L3MBTL3: variants seen among roughly 807,000 people sequenced by gnomAD.
L3MBTL3 encodes L3MBTL histone methyl-lysine binding protein 3, also known as lethal(3)malignant brain tumor-like protein 3.
In L3MBTL3, 27 loss-of-function variants were observed where a neutral mutation model predicts 102.3. The ratio of observed to expected loss-of-function variants is 0.26; its 90% CI spans 0.19 to 0.36. The LOEUF (loss-of-function observed/expected upper bound fraction) is 0.36, where lower values mean the gene tolerates loss of function less well. Among genes scored for constraint, L3MBTL3 ranks in the 10% least tolerant of loss-of-function variants. The probability of loss-of-function intolerance (pLI) is 1.00; values close to 1 mark genes in which losing one functional copy is unlikely to be tolerated. For missense variants in L3MBTL3, 798 were observed against 955.3 expected (o/e 0.84, Z 2.17); for synonymous variants, 340 against 320.9 (o/e 1.06, Z -0.64).
At chr6:130,044,347 C>G (rs1188857567) in intron 3 of L3MBTL3, among the ~76,000 whole-genome samples, 1 of 151,966 alleles carries the variant, frequency 6.6e-6, no homozygotes, top group Non-Finnish European at 1.5e-5. Context: ...AATTGCTTTA[C>G]TCCTTTATTT....
intron 16 of L3MBTL3, among the ~76,000 whole-genome samples, chr6:130,088,399 A>T (rs2115178642): frequency 6.6e-6 from 1 of 152,082 alleles, no homozygotes; most frequent in South Asian, 2.1e-4. Flanking sequence ...CAGCAGGAAA[A>T]CTCATCTTTC....
chr6:130,077,078 T>C (rs555146865), intron 13 of L3MBTL3, among the ~76,000 whole-genome samples: 49 of 152,134 alleles, frequency 3.2e-4, no homozygotes, highest in African/African-American at 1.1e-3. Context: ...TAAAAACTAC[T>C]CTCTAAGTTC....
intron 3 of L3MBTL3, 42 bp from the exon 4 acceptor site, chr6:130,049,240 G>C (rs772739504): frequency 9.1e-7 from 1 of 1,103,160 alleles, no homozygotes; most frequent in Non-Finnish European, 1.4e-6. Flanking sequence ...TGACTTTCCT[G>C]AGCACTTTTT....
At chr6:130,111,928 T>C (rs1785373539) in intron 19 of L3MBTL3, among the ~76,000 whole-genome samples, 1 of 152,216 alleles carries the variant, frequency 6.6e-6, no homozygotes, top group East Asian at 1.9e-4. Context: ...CCTTGTGTCA[T>C]CTGGCCCCTG....
At chr6:130,042,339 AAACTACTTACAGGCAAGG>A (rs1369335714) in intron 2 of L3MBTL3, among the ~76,000 whole-genome samples, 1 of 152,222 alleles carries the variant, frequency 6.6e-6, no homozygotes, top group African/African-American at 2.4e-5. Flanking sequence ...AACAGAAAAC[AAACTACTTACAGGCAAGG>A]AATTCTATCC....
At chr6:130,125,958 C>A (rs1465898638) in intron 20 of L3MBTL3, among the ~76,000 whole-genome samples, 1 of 125,558 alleles carries the variant, frequency 8.0e-6, no homozygotes, top group Non-Finnish European at 1.6e-5. Flanking sequence ...CCACCCATTT[C>A]TTCTGTTAAT....
At chr6:130,114,786 C>G (rs1043418359) in intron 19 of L3MBTL3, among the ~76,000 whole-genome samples, 1 of 152,110 alleles carries the variant, frequency 6.6e-6, no homozygotes, top group Non-Finnish European at 1.5e-5. Flanking sequence ...ATTTTAAAAA[C>G]TCTTTATTTG....
In L3MBTL3 at chr6:130,055,206, G is replaced by A. The variant is rs202081986; in HGVS notation, c.618G>A (p.Ser206=). 1.7e-5 allele frequency: 28 copies of A among 1,613,568 alleles called. No individual in the cohort carries two copies. The highest frequency in any genetic ancestry group is 2.7e-5 in the African/African-American group (2 of 74,878). Reference sequence around the variant, plus strand: ...AAGATGTAAGAATCCTGAGGGGTTCGCAGAGAGCACGGAGGAAAAGACGAG... The same window carrying A: ...AAGATGTAAGAATCCTGAGGGGTTCACAGAGAGCACGGAGGAAAAGACGAG... ...NKQDVRILRG[S]QRARRKRRGD... is the part of the protein sequence containing the mutation. Residue 206 remains serine (S), a synonymous_variant, in exon 8 of 23, where the codon TCG becomes TCA. Coordinates refer to ENST00000361794, the MANE Select transcript of L3MBTL3 (RefSeq NM_032438.4).
At position 130,051,400 on chromosome 6, in the gene L3MBTL3, C is replaced by T; in HGVS notation, c.441C>T (p.Ile147=). Residue 147 remains isoleucine (I), a synonymous_variant, in exon 6 of 23, where the codon ATC becomes ATT. Coordinates refer to ENST00000361794, the MANE Select transcript of L3MBTL3 (RefSeq NM_032438.4). ...NYCSQNCARH[I]KDKDQKEERD... Reference sequence around the variant, plus strand: ...GCAGCCAGAATTGTGCTCGGCACATCAAAGATAAGTAGGTTTTTGCCCCAT... The same window carrying T: ...GCAGCCAGAATTGTGCTCGGCACATTAAAGATAAGTAGGTTTTTGCCCCAT... 6.2e-7 allele frequency: 1 copy of T among 1,612,754 alleles called. No homozygotes were observed. Among genetic ancestry groups the T allele is most frequent in the South Asian group, 1.1e-5 (1 of 90,816 alleles).
chr6:130,042,892 A>C (rs997336142), intron 3 of L3MBTL3, 91 bp downstream of exon 3: 4 of 861,502 alleles, frequency 4.6e-6, no homozygotes, highest in Non-Finnish European at 5.8e-6. Flanking sequence ...TAAAAATTAA[A>C]AGCATTAATC....
intron 2 of L3MBTL3, among the ~76,000 whole-genome samples, chr6:130,023,978 C>T (rs1779175185): frequency 1.3e-5 from 2 of 152,076 alleles, no homozygotes; most frequent in Admixed American, 6.6e-5. Flanking sequence ...TTATTTATCC[C>T]AAACTAGTCA....
intron 18 of L3MBTL3, 59 bp from the exon 19 acceptor site, chr6:130,104,367 G>A: frequency 8.0e-7 from 1 of 1,247,834 alleles, no homozygotes; most frequent in Non-Finnish European, 1.1e-6. Context: ...ATTGGAAGAA[G>A]TATGGCCTAA....
chr6:130,098,348 G>T (rs372571708), intron 18 of L3MBTL3, among the ~76,000 whole-genome samples: 3 of 152,190 alleles, frequency 2.0e-5, no homozygotes, highest in African/African-American at 7.2e-5. Flanking sequence ...GTGAGGGACT[G>T]TATAGAGGAG....
chr6:130,095,747 T>C (rs117296317), intron 18 of L3MBTL3, among the ~76,000 whole-genome samples: 5,614 of 152,290 alleles, frequency 0.037, 160 homozygotes, highest in Non-Finnish European at 0.058. Flanking sequence ...GAGGGCTTTC[T>C]TGCTGCGGAA....
intron 2 of L3MBTL3, among the ~76,000 whole-genome samples, chr6:130,036,722 C>T (rs1780090399): frequency 6.6e-6 from 1 of 152,178 alleles, no homozygotes; most frequent in African/African-American, 2.4e-5. Flanking sequence ...TGTTAGTAAG[C>T]ATGTACTTTG....
chr6:130,099,560 A>G (rs1384065753), intron 18 of L3MBTL3, among the ~76,000 whole-genome samples: 2 of 152,228 alleles, frequency 1.3e-5, no homozygotes, highest in African/African-American at 2.4e-5. Context: ...CATGATGCAG[A>G]TCACATATGT....
intron 11 of L3MBTL3, among the ~76,000 whole-genome samples, chr6:130,067,215 G>A (rs146069359): frequency 0.016 from 2,361 of 152,218 alleles, 26 homozygotes; most frequent in Non-Finnish European, 0.025. Flanking sequence ...GCAGGTTCAA[G>A]TGATTCTCCT....
chr6:130,105,872 A>G (rs542056307), intron 19 of L3MBTL3, among the ~76,000 whole-genome samples: 3 of 152,292 alleles, frequency 2.0e-5, no homozygotes, highest in African/African-American at 4.8e-5. Context: ...CCTGGAGCCA[A>G]AGTCTTCTCA....
chr6:130,135,152 C>G (rs1344279701), intron 22 of L3MBTL3, among the ~76,000 whole-genome samples: 1 of 150,922 alleles, frequency 6.6e-6, no homozygotes, highest in Non-Finnish European at 1.5e-5. Flanking sequence ...ACCTCCGCCT[C>G]CTGGCAGAGG....
Sources: allele counts gnomAD v4.1 joint callset (sites outside exome capture counted in the v4.1 genomes callset), GRCh38; gene constraint gnomAD v4.1.1; transcripts MANE v1.5; gene names NCBI Gene and HGNC (gene_info 2026-07-23, HGNC 2026-07-21).